NTN4: variants seen among roughly 807,000 people sequenced by gnomAD.
NTN4 encodes netrin-4.
NTN4 carries 32 observed loss-of-function variants against 73.6 expected under a neutral mutation model. That is an observed-to-expected ratio of 0.44 (90% CI 0.33 to 0.58). The LOEUF (loss-of-function observed/expected upper bound fraction) is 0.58. Ranked by LOEUF, NTN4 falls within the 20% of genes least tolerant of loss-of-function variation. The probability of loss-of-function intolerance (pLI) is 0.04; values close to 1 mark genes in which losing one functional copy is unlikely to be tolerated. For synonymous variants in NTN4, 258 were observed against 287.5 expected (o/e 0.90, Z 1.04); for missense variants, 654 against 798.3 (o/e 0.82, Z 2.18).
intron 2 of NTN4, among the ~76,000 whole-genome samples, chr12:95,777,331 T>C (rs946792249): frequency 3.9e-4 from 59 of 152,164 alleles, no homozygotes; most frequent in African/African-American, 1.3e-3. Context: ...TAAATGTAAA[T>C]GGGCTAAATG....
chr12:95,723,660 C>A (rs572116267), intron 3 of NTN4, among the ~76,000 whole-genome samples: 221 of 152,086 alleles, frequency 1.5e-3, no homozygotes, highest in African/African-American at 4.7e-3. Context: ...GGATTACAGG[C>A]GCCACCACAC....
At chr12:95,694,078 G>A (rs1020278315) in intron 5 of NTN4, among the ~76,000 whole-genome samples, 2 of 144,316 alleles carry the variant, frequency 1.4e-5, no homozygotes, top group African/African-American at 4.9e-5. Context: ...GGAGTGATCT[G>A]TGATCTTAAG....
chr12:95,680,039 C>T (rs1438245505), intron 7 of NTN4, among the ~76,000 whole-genome samples: 1 of 152,098 alleles, frequency 6.6e-6, no homozygotes, highest in African/African-American at 2.4e-5. Context: ...AAGGGCTTAC[C>T]CTGATCACCT....
chr12:95,682,590 A>G (rs2078326722), intron 7 of NTN4, 117 bp downstream of exon 7: 1 of 601,452 alleles, frequency 1.7e-6, no homozygotes, highest in Non-Finnish European at 3.0e-6. Context: ...ATACCATGAA[A>G]CCCCAGAACT....
At position 95,710,565 on chromosome 12, in the gene NTN4, C is replaced by A; in HGVS notation, c.1056G>T (p.Gly352=). The part of the protein sequence containing the change: ...HFDVNVWEAS[G]NRSGGVCDDC... ...CATCACAGACACCACCACTACGATT[C>A]CCTGATGCCTCCCACACATTAACGT... is the stretch of plus-strand genomic sequence containing the variant. Residue 352 remains glycine (G), a synonymous_variant, in exon 5 of 10, where the codon GGG becomes GGT. Coordinates refer to ENST00000343702, the MANE Select transcript of NTN4 (RefSeq NM_021229.4). 6.2e-7 allele frequency: 1 copy of A among 1,614,182 alleles called. No homozygotes were observed.
intron 7 of NTN4, chr12:95,672,627 G>A: frequency 6.6e-7 from 1 of 1,523,058 alleles, no homozygotes; most frequent in South Asian, 1.1e-5. Context: ...GCAAAGCATG[G>A]TGAGGCCCAG....
At chr12:95,685,907 G>C (rs1341410248) in intron 5 of NTN4, among the ~76,000 whole-genome samples, 1 of 150,596 alleles carries the variant, frequency 6.6e-6, no homozygotes. Context: ...TTTTTCTTTA[G>C]AGAAGGTTTC....
chr12:95,670,985 TATG>T (rs1318044327), intron 7 of NTN4: 4 of 151,156 alleles, frequency 2.6e-5, no homozygotes, highest in African/African-American at 9.9e-5. Flanking sequence ...TGTATGTATG[TATG>T]TATATATTTA....
chr12:95,667,918 C>T (rs1023661658), intron 8 of NTN4, among the ~76,000 whole-genome samples: 1 of 150,446 alleles, frequency 6.6e-6, no homozygotes, highest in African/African-American at 2.5e-5. Context: ...GTGAACCTTT[C>T]AAGTTCACAT....
At chr12:95,663,766 G>A (rs1172538071) in intron 9 of NTN4, 1 of 152,158 alleles carries the variant, frequency 6.6e-6, no homozygotes, top group Non-Finnish European at 1.5e-5. Flanking sequence ...GTTTTCAATT[G>A]TGATGAACTC....
At chr12:95,759,651 G>A (rs1002909008) in intron 2 of NTN4, among the ~76,000 whole-genome samples, 4 of 152,016 alleles carry the variant, frequency 2.6e-5, no homozygotes, top group African/African-American at 9.6e-5. Flanking sequence ...TAGTAAAGAC[G>A]GGGTTTTACC....
upstream of NTN4, among the ~76,000 whole-genome samples, chr12:95,790,928 C>CGGGG (rs369924618): frequency 0.016 from 1,849 of 116,844 alleles, 131 homozygotes; most frequent in East Asian, 0.14. This position sits in a 1 kb window ranked among gnomAD's most constrained non-coding sequence, Gnocchi z 6.5. Flanking sequence ...CGCTGCCGCC[C>CGGGG]GGGGGGGGGG....
At chr12:95,732,548 C>G (rs949285288) in intron 3 of NTN4, among the ~76,000 whole-genome samples, 1 of 151,962 alleles carries the variant, frequency 6.6e-6, no homozygotes, top group Non-Finnish European at 1.5e-5. Context: ...GGACTATAGG[C>G]GCGTGCCACC....
At chr12:95,706,741 C>G (rs957225012) in intron 5 of NTN4, among the ~76,000 whole-genome samples, 1 of 152,058 alleles carries the variant, frequency 6.6e-6, no homozygotes. Flanking sequence ...GTTTGCTACA[C>G]AAGCACATAG....
intron 2 of NTN4, among the ~76,000 whole-genome samples, chr12:95,739,425 C>T (rs1020276305): frequency 2.6e-5 from 4 of 152,186 alleles, no homozygotes; most frequent in Admixed American, 1.3e-4. Context: ...TGGAAGGAAG[C>T]TTATCAGAAA....
chr12:95,735,011 C>T (rs766480667), intron 3 of NTN4, among the ~76,000 whole-genome samples: 2 of 152,162 alleles, frequency 1.3e-5, no homozygotes, highest in South Asian at 4.1e-4. Context: ...TGCACTCCAG[C>T]CTGGGCAACA....
At chr12:95,764,420 T>A (rs2079007053) in intron 2 of NTN4, among the ~76,000 whole-genome samples, 1 of 152,192 alleles carries the variant, frequency 6.6e-6, no homozygotes, top group Admixed American at 6.5e-5. Flanking sequence ...ATCCCAGCAC[T>A]TTGGGAGGCC....
intron 5 of NTN4, among the ~76,000 whole-genome samples, chr12:95,709,456 G>T (rs1427787064): frequency 6.6e-6 from 1 of 151,938 alleles, no homozygotes. Flanking sequence ...GAATCGGATA[G>T]ATCTTTTCAA....
chr12:95,751,378 C>A (rs1246089797), intron 2 of NTN4, among the ~76,000 whole-genome samples: 1 of 152,228 alleles, frequency 6.6e-6, no homozygotes. Context: ...CTCCAGCACA[C>A]AAGAACTTCC....
Sources: gnomAD v4.1 joint callset for allele counts (sites outside exome capture counted in the v4.1 genomes callset) on GRCh38, gnomAD v4.1.1 for gene constraint, Gnocchi (gnomAD v3.1) non-coding constraint, MANE v1.5 for transcripts, NCBI Gene and HGNC (gene_info 2026-07-23, HGNC 2026-07-21) for gene names.